The following EPRS1 variants were observed in gnomAD, a reference collection of about 807,000 sequenced individuals.
EPRS1 encodes the protein glutamyl-prolyl-tRNA synthetase 1, also known as bifunctional glutamate/proline--tRNA ligase.
EPRS1 carries 107 observed loss-of-function variants against 188.3 expected under a neutral mutation model. The observed-to-expected ratio is 0.57, with a 90% CI of 0.49 to 0.67. EPRS1 has a LOEUF of 0.67. Ranked by LOEUF, EPRS1 falls within the 30% of genes least tolerant of loss-of-function variation. The pLI is 0.00. For missense variants in EPRS1, 1,577 were observed against 1,802.2 expected (o/e 0.88, Z 2.26); for synonymous variants, 596 against 593.1 (o/e 1.00, Z -0.07).
chr1:219,983,882 T>A (rs996480026), intron 21 of EPRS1, among the ~76,000 whole-genome samples: 10 of 123,418 alleles, frequency 8.1e-5, no homozygotes, highest in Non-Finnish European at 1.6e-4. Context: ...AACAGACTGA[T>A]ACTCCCGTCT....
chr1:220,043,357 TTGAG>T lies in EPRS1; in HGVS notation c.46+2982_46+2985del, dbSNP rs1291043572. Among the ~76,000 whole-genome samples the T allele has an allele frequency of 3.3e-5, 5 of 152,360 alleles. No individual in the cohort carries two copies. In the South Asian group the frequency reaches 8.3e-4, roughly 25 times the overall value. On this transcript the variant is annotated intron_variant, in intron 1 of 31. Transcript: ENST00000366923. ...TGAAAATAATACAAATTGTAACTTC[TTGAG>T]TATTTTTGCTATGATTTTTTTAAAT...
At position 219,988,822 on chromosome 1, in the gene EPRS1, G is replaced by A. The variant is rs372428889; in HGVS notation, c.2543C>T (p.Ala848Val). The change falls in exon 19 of 32, where the codon GCT becomes GTT. Residue 848 changes from alanine (A) to valine (V), a missense_variant and splice_region_variant. Physicochemically the swap from Ala to Val is moderately conservative, Grantham distance 64. This residue lies in a region of EPRS1 where 1,278 missense variants were observed against 1,457.4 expected (regional missense o/e 0.88). Coordinates refer to ENST00000366923, the MANE Select transcript of EPRS1 (RefSeq NM_004446.3). ...GCATTCTACAGCTTCATTTATTTTA[G>A]CCTAAAATAAAAGAGAGAAAGAGAT... ...RKLKAEKSPK[A>V]KINEAVECLL... 9 of 1,566,580 alleles carry A rather than the reference G, an allele frequency of 5.7e-6. No individual in the cohort carries two copies. The African/African-American group carries it at 8.2e-5, about 14-fold the overall frequency.
In EPRS1 at chr1:220,040,164, TAAA is replaced by T; in HGVS notation, c.131+18_131+20del. On this transcript the variant is annotated intron_variant, in intron 2 of 31. Coordinates refer to ENST00000366923, the MANE Select transcript of EPRS1 (RefSeq NM_004446.3). The stretch of plus-strand genomic sequence containing the variant: ...AGAAAAAGCCAATCAGTACTGAAAA[TAAA>T]AAGATGAAAACACTTACTCAGAAAC... 1 of 1,499,428 alleles carries T rather than the reference TAAA, an allele frequency of 6.7e-7. No individual in the cohort carries two copies. Among genetic ancestry groups the T allele is most frequent in the African/African-American group, 1.4e-5 (1 of 71,632 alleles). 92.9% of individuals were successfully genotyped at this position (1,499,428 alleles called of 1,614,324 possible).
At chr1:220,017,006 G>A (rs1661730470) in intron 12 of EPRS1, among the ~76,000 whole-genome samples, 1 of 151,812 alleles carries the variant, frequency 6.6e-6, no homozygotes. Context: ...CAAGTTCAGG[G>A]GTTTGAGACC....
chr1:220,003,027 G>A (rs965187110), intron 16 of EPRS1, among the ~76,000 whole-genome samples: 33 of 152,288 alleles, frequency 2.2e-4, no homozygotes, highest in African/African-American at 7.2e-4. Flanking sequence ...TGGTAACTCC[G>A]TGTTTAATTT....
chr1:220,013,077 A>T (rs565692852), intron 12 of EPRS1, among the ~76,000 whole-genome samples: 1 of 152,346 alleles, frequency 6.6e-6, no homozygotes, highest in South Asian at 2.1e-4. Flanking sequence ...AAAGCAGTCA[A>T]TAAGGGTTCA....
rs148927485 is a variant in EPRS1 at position 219,974,472 on chromosome 1, T to C, written c.4084-1074A>G. Among the ~76,000 whole-genome samples the C allele has an allele frequency of 6.2e-3, 948 of 152,330 alleles. 10 individuals are homozygous for C. The highest frequency in any genetic ancestry group is 0.022 in the African/African-American group (907 of 41,574). ...AACCACATTTTTAGGGCCCAGAACC[T>C]TATCTGATACATAGTAGATTTTAAG... On this transcript the variant is annotated intron_variant, in intron 28 of 31. Transcript: ENST00000366923.
At chr1:219,993,864 A>C (rs1397777970) in intron 18 of EPRS1, among the ~76,000 whole-genome samples, 1 of 152,240 alleles carries the variant, frequency 6.6e-6, no homozygotes, top group East Asian at 1.9e-4. Context: ...CTCTGTTGCT[A>C]TAACAAGCAA....
intron 21 of EPRS1, 46 bp from the exon 22 acceptor site, chr1:219,983,444 T>C: frequency 2.2e-6 from 3 of 1,391,978 alleles, no homozygotes; most frequent in Non-Finnish European, 3.0e-6. Context: ...TGAACCAAAA[T>C]TCTAGTATAA....
At chr1:220,043,078 C>CAA (rs775151299) in intron 1 of EPRS1, among the ~76,000 whole-genome samples, 47 of 151,784 alleles carry the variant, frequency 3.1e-4, no homozygotes, top group Admixed American at 2.6e-3. Flanking sequence ...ATAGAAAAAG[C>CAA]AAAAAAGTGA....
Position 220,001,185 on chromosome 1 carries a change from T to C in EPRS1, c.2134A>G (p.Thr712Ala), listed in dbSNP as rs768975821. 8.7e-6 allele frequency: 14 copies of C among 1,613,922 alleles called. No individual in the cohort carries two copies. In the African/African-American group the frequency reaches 1.1e-4, roughly 12 times the overall value. ...TTGGTCTTTTCCTTTGACCCTGATG[T>C]TGGCATTTCCTTTGTGTGCCCATCA... The part of the protein sequence containing the change: ...IPDGHTKEMP[T>A]SGSKEKTKVE... The change falls in exon 17 of 32, where the codon ACA (threonine) becomes GCA (alanine). Residue 712 changes from threonine to alanine, a missense_variant. Coordinates refer to ENST00000366923, the MANE Select transcript of EPRS1 (RefSeq NM_004446.3).
intron 20 of EPRS1, 77 bp downstream of exon 20, chr1:219,987,065 A>C: frequency 6.8e-7 from 1 of 1,479,892 alleles, no homozygotes; most frequent in East Asian, 2.3e-5. Context: ...TAAACCAGTC[A>C]AAATTTGTTT....
rs367762945 is a variant in EPRS1, at chr1:219,985,210, T to C, written c.3039-953A>G. On this transcript the variant is annotated intron_variant, in intron 20 of 31. Transcript: ENST00000366923. ...TCTTTTTAAGGCAATGTATTTGTAA[T>C]AGAGACACAGCCTGTTCACACCTAT... Among the ~76,000 whole-genome samples, 33 of 152,234 alleles carry C rather than the reference T, an allele frequency of 2.2e-4. No homozygotes were observed. The East Asian group carries it at 5.4e-3, about 25-fold the overall frequency.
intron 1 of EPRS1, among the ~76,000 whole-genome samples, chr1:220,041,633 G>C (rs1429835569): frequency 6.6e-6 from 1 of 152,136 alleles, no homozygotes; most frequent in Non-Finnish European, 1.5e-5. Flanking sequence ...CTGAGGTCGG[G>C]AGTTCGAGAC....
At chr1:220,004,798 A>G (rs1661427594) in intron 16 of EPRS1, among the ~76,000 whole-genome samples, 1 of 152,188 alleles carries the variant, frequency 6.6e-6, no homozygotes, top group South Asian at 2.1e-4. Flanking sequence ...AAATTTACAT[A>G]GAGTTCTCCT....
At chr1:220,022,559 A>G (rs1183951959) in intron 8 of EPRS1, 41 bp from the exon 9 acceptor site, 1 of 1,457,436 alleles carries the variant, frequency 6.9e-7, no homozygotes, top group Admixed American at 2.0e-5. Flanking sequence ...TAATCTGGTT[A>G]AATTCAAATT....
chr1:220,000,584 GATTT>G (rs1450745970), intron 17 of EPRS1, among the ~76,000 whole-genome samples: 3 of 151,876 alleles, frequency 2.0e-5, no homozygotes, highest in African/African-American at 4.8e-5. Flanking sequence ...CATGTAACTG[GATTT>G]ATTATTTTTA....
chr1:220,001,287 A>G (rs754012512), intron 16 of EPRS1, 32 bp from the exon 17 acceptor site: 1 of 1,291,694 alleles, frequency 7.7e-7, no homozygotes, highest in Admixed American at 1.7e-5. Flanking sequence ...AAAATAGTTT[A>G]TTTGAACAAA....
chr1:220,043,047 T>C (rs1369557047), intron 1 of EPRS1, among the ~76,000 whole-genome samples: 1 of 152,148 alleles, frequency 6.6e-6, no homozygotes, highest in Non-Finnish European at 1.5e-5. Flanking sequence ...ATATATAATA[T>C]GATTCAATGT....
Sources: gnomAD v4.1 joint callset for allele counts (sites outside exome capture counted in the v4.1 genomes callset) on GRCh38, gnomAD v4.1.1 for gene constraint, gnomAD v4.1.1 regional missense constraint, MANE v1.5 for transcripts, NCBI Gene and HGNC (gene_info 2026-07-23, HGNC 2026-07-21) for gene names.